The following AUTS2 variants were observed in gnomAD, a reference collection of about 807,000 sequenced individuals.
AUTS2 encodes activator of transcription and developmental regulator AUTS2.
In AUTS2, 17 loss-of-function variants were observed where a neutral mutation model predicts 112.4. That is an observed-to-expected ratio of 0.15 (90% CI 0.10 to 0.23). The LOEUF (loss-of-function observed/expected upper bound fraction) is 0.23. AUTS2 is among the 10% of genes least tolerant of loss of function. The pLI, the probability that AUTS2 is intolerant of heterozygous loss-of-function variation, is 1.00. For synonymous variants in AUTS2, 751 were observed against 702.7 expected, an observed-to-expected ratio of 1.07 and a Z score of -1.09; for missense variants, 1,510 against 1,701.6, an observed-to-expected ratio of 0.89 and a Z score of 1.98.
At chr7:70,363,945 G>C (rs2129627937) in intron 4 of AUTS2, among the ~76,000 whole-genome samples, 1 of 152,206 alleles carries the variant, frequency 6.6e-6, no homozygotes, top group South Asian at 2.1e-4. Context: ...TCTTTTAGTA[G>C]ATTGCAAACT....
At chr7:69,628,696 A>G (rs918683834) in intron 1 of AUTS2, among the ~76,000 whole-genome samples, 2 of 152,134 alleles carry the variant, frequency 1.3e-5, no homozygotes, top group African/African-American at 4.8e-5. Flanking sequence ...GAGATGCCAC[A>G]CTTTTAAACA....
chr7:69,664,887 T>A (rs1185352246), intron 1 of AUTS2, among the ~76,000 whole-genome samples: 1 of 152,212 alleles, frequency 6.6e-6, no homozygotes, highest in African/African-American at 2.4e-5. Flanking sequence ...GTAGGGACTA[T>A]GAAATGATTG....
intron 4 of AUTS2, among the ~76,000 whole-genome samples, chr7:70,355,030 GTGTGTGTGTATGTA>G (rs1432314116): frequency 6.7e-6 from 1 of 149,186 alleles, no homozygotes; most frequent in Non-Finnish European, 1.5e-5. Flanking sequence ...GTGTGTATGG[GTGTGTGTGTATGTA>G]TGTGTGTGTG....
chr7:70,687,769 C>T (rs896682941), intron 5 of AUTS2, among the ~76,000 whole-genome samples: 18 of 152,128 alleles, frequency 1.2e-4, no homozygotes, highest in Admixed American at 4.6e-4. Flanking sequence ...TCAGAATCAC[C>T]CATTCAGAAG....
At chr7:70,116,037 A>T (rs1436763807) in intron 2 of AUTS2, among the ~76,000 whole-genome samples, 1 of 152,192 alleles carries the variant, frequency 6.6e-6, no homozygotes, top group Non-Finnish European at 1.5e-5. Context: ...TCTCTCCTTT[A>T]TTATCAATAT....
At chr7:69,825,657 T>C (rs889344628) in intron 1 of AUTS2, 3 of 152,026 alleles carry the variant, frequency 2.0e-5, no homozygotes, top group African/African-American at 7.3e-5. Flanking sequence ...TTCACTTCTT[T>C]TGGATGACTA....
chr7:69,854,028 CTCTT>C (rs1792607446), intron 1 of AUTS2, among the ~76,000 whole-genome samples: 1 of 152,084 alleles, frequency 6.6e-6, no homozygotes, highest in African/African-American at 2.4e-5. Flanking sequence ...TATACGTGTA[CTCTT>C]TCTTTCTCTT....
chr7:70,017,901 A>G (rs1265993795), intron 2 of AUTS2, among the ~76,000 whole-genome samples: 1 of 150,408 alleles, frequency 6.6e-6, no homozygotes, highest in East Asian at 1.9e-4. Context: ...ATTTTGAACT[A>G]TTTGGAAGGG....
At chr7:70,496,615 C>G (rs1417744427) in intron 5 of AUTS2, among the ~76,000 whole-genome samples, 4 of 140,842 alleles carry the variant, frequency 2.8e-5, no homozygotes, top group Non-Finnish European at 6.1e-5. Flanking sequence ...CCCACTCACA[C>G]CACGTACACA....
At chr7:69,828,760 G>T (rs1202070763) in intron 1 of AUTS2, among the ~76,000 whole-genome samples, 1 of 151,988 alleles carries the variant, frequency 6.6e-6, no homozygotes, top group African/African-American at 2.4e-5. Flanking sequence ...ACTTCTGCTA[G>T]CATTTTCTCC....
intron 5 of AUTS2, among the ~76,000 whole-genome samples, chr7:70,448,561 A>G (rs1796409830): frequency 6.6e-6 from 1 of 152,244 alleles, no homozygotes; most frequent in Admixed American, 6.5e-5. Flanking sequence ...TCACTCAAGT[A>G]GTAAAGAATA....
At chr7:69,699,769 T>C (rs1023355174) in intron 1 of AUTS2, among the ~76,000 whole-genome samples, 2 of 150,996 alleles carry the variant, frequency 1.3e-5, no homozygotes, top group African/African-American at 4.9e-5. Context: ...CTCAGCCTCC[T>C]GAATAGCTGG....
At position 70,049,855 on chromosome 7, in the gene AUTS2, G is replaced by A. The variant is rs574468244; in HGVS notation, c.523-68277G>A. 3.3e-5 allele frequency among the ~76,000 whole-genome samples: 5 copies of A among 151,764 alleles called. No homozygotes were observed. The East Asian group carries it at 7.9e-4, about 24-fold the overall frequency. On this transcript the variant is annotated intron_variant, in intron 2 of 18. Coordinates refer to ENST00000342771, the MANE Select transcript of AUTS2 (RefSeq NM_015570.4). ...CCTGTGTCTACAAAACCCAACAAAC[G>A]TGTGTGTTTGTGTGTGTGTATGTGT...
At chr7:70,466,740 T>G (rs1797179500) in intron 5 of AUTS2, among the ~76,000 whole-genome samples, 1 of 152,202 alleles carries the variant, frequency 6.6e-6, no homozygotes, top group African/African-American at 2.4e-5. Flanking sequence ...AGTAACAGAT[T>G]GTGTGCGTGT....
chr7:70,652,776 T>C (rs2129541941), intron 5 of AUTS2, among the ~76,000 whole-genome samples: 1 of 152,232 alleles, frequency 6.6e-6, no homozygotes, highest in East Asian at 1.9e-4. Flanking sequence ...GTAAACTAAT[T>C]GTAGACTCTA....
rs569134446 is a variant in AUTS2, at chr7:69,883,742, C to G, written c.310-15544C>G. ...ACTAACCCATCTGCTCATGCACACA[C>G]CCTCCCAACCTCACACAGCAGGCCT... On this transcript the variant is annotated intron_variant, in intron 1 of 18. Transcript: ENST00000342771. Among the ~76,000 whole-genome samples the G allele has an allele frequency of 5.9e-5, 9 of 152,334 alleles. No individual in the cohort carries two copies. The East Asian group carries it at 1.7e-3, about 29-fold the overall frequency.
chr7:69,833,381 C>A (rs375082292), intron 1 of AUTS2, among the ~76,000 whole-genome samples: 1 of 152,126 alleles, frequency 6.6e-6, no homozygotes, highest in Non-Finnish European at 1.5e-5. Flanking sequence ...AAAGGCCAAT[C>A]GTATCTGAAC....
intron 2 of AUTS2, among the ~76,000 whole-genome samples, chr7:70,111,933 A>G (rs1401775310): frequency 6.6e-6 from 1 of 152,000 alleles, no homozygotes; most frequent in Non-Finnish European, 1.5e-5. Context: ...CCCAGATTAT[A>G]CTATAGTTTA....
At chr7:70,263,264 A>G (rs2129607569) in intron 4 of AUTS2, among the ~76,000 whole-genome samples, 1 of 152,308 alleles carries the variant, frequency 6.6e-6, no homozygotes, top group African/African-American at 2.4e-5. Context: ...GATATCCAAT[A>G]TAACATCCTT....
Sources: gnomAD v4.1 joint callset for allele counts (sites outside exome capture counted in the v4.1 genomes callset) on GRCh38, gnomAD v4.1.1 for gene constraint, MANE v1.5 for transcripts, NCBI Gene and HGNC (gene_info 2026-07-23, HGNC 2026-07-21) for gene names.